Variants in XKR9 observed in about 807,000 individuals in gnomAD.
XKR9 encodes XK related 9, also known as XK-related protein 9.
A neutral mutation model predicts 32.0 loss-of-function variants in XKR9; 32 were observed. That is an observed-to-expected ratio of 1.00 (90% CI 0.76 to 1.34). The LOEUF (loss-of-function observed/expected upper bound fraction) is 1.34, where lower values mean the gene tolerates loss of function less well. XKR9 is among the 40% of genes most tolerant of loss of function. The pLI, the probability that XKR9 is intolerant of heterozygous loss-of-function variation, is 0.00. For synonymous variants in XKR9, 168 were observed against 143.4 expected, an observed-to-expected ratio of 1.17 and a Z score of -1.22; for missense variants, 546 against 429.7, an observed-to-expected ratio of 1.27 and a Z score of -2.39.
downstream of XKR9, among the ~76,000 whole-genome samples, chr8:70,794,569 T>A (rs564334291): frequency 1.3e-5 from 2 of 152,208 alleles, no homozygotes; most frequent in East Asian, 3.9e-4. Flanking sequence ...GTTGATGGAT[T>A]TTTTCAAATG....
the XKR9 span, among the ~76,000 whole-genome samples, chr8:70,927,881 C>T: frequency 6.6e-6 from 1 of 152,088 alleles, no homozygotes; most frequent in African/African-American, 2.4e-5. Flanking sequence ...CGAGTAGGTG[C>T]TAGATCTGGT....
the XKR9 span, among the ~76,000 whole-genome samples, chr8:70,928,069 G>A: frequency 2.0e-5 from 3 of 152,170 alleles, no homozygotes; most frequent in Non-Finnish European, 2.9e-5. Flanking sequence ...TAGAAACAGG[G>A]TCTTGCTCTG....
At chr8:70,870,138 AG>A in the XKR9 span, among the ~76,000 whole-genome samples, 1 of 152,312 alleles carries the variant, frequency 6.6e-6, no homozygotes, top group Non-Finnish European at 1.5e-5. Flanking sequence ...CTCTCTTGTA[AG>A]GTCTTAACTA....
intron 2 of XKR9, among the ~76,000 whole-genome samples, chr8:70,755,504 C>T (rs1408021916): frequency 6.6e-6 from 1 of 152,018 alleles, no homozygotes; most frequent in Non-Finnish European, 1.5e-5. Context: ...GACTTGGAAC[C>T]AACCCAAATG....
chr8:70,875,676 G>C, the XKR9 span, among the ~76,000 whole-genome samples: 1 of 152,056 alleles, frequency 6.6e-6, no homozygotes, highest in Non-Finnish European at 1.5e-5. Context: ...CTTTCAATGA[G>C]GATGCAAGAT....
the XKR9 span, among the ~76,000 whole-genome samples, chr8:70,868,704 A>T: frequency 6.6e-6 from 1 of 152,242 alleles, no homozygotes; most frequent in Admixed American, 6.5e-5. Context: ...TGTCTTGGGG[A>T]TTAACATTAG....
the XKR9 span, among the ~76,000 whole-genome samples, chr8:70,870,178 G>C: frequency 2.0e-5 from 3 of 151,934 alleles, no homozygotes; most frequent in African/African-American, 7.3e-5. Flanking sequence ...TATAAATAAG[G>C]GTCTTCTAGC....
At chr8:70,721,099 T>C (rs1186607337) in intron 4 of XKR9, among the ~76,000 whole-genome samples, 2 of 152,230 alleles carry the variant, frequency 1.3e-5, no homozygotes, top group Non-Finnish European at 2.9e-5. Context: ...GAGGTGTTTA[T>C]AGTATTCTCT....
At chr8:70,743,874 C>A (rs964511883) in intron 2 of XKR9, among the ~76,000 whole-genome samples, 1 of 151,938 alleles carries the variant, frequency 6.6e-6, no homozygotes, top group East Asian at 1.9e-4. Flanking sequence ...TTCCAGATGT[C>A]GACCTCTCTC....
chr8:70,744,100 C>G (rs554189230), intron 2 of XKR9, among the ~76,000 whole-genome samples: 64 of 152,040 alleles, frequency 4.2e-4, no homozygotes, highest in African/African-American at 1.5e-3. Context: ...TACCTGACGT[C>G]AGGAGTTCAA....
chr8:70,755,577 C>T (rs1414469602), intron 2 of XKR9, among the ~76,000 whole-genome samples: 26 of 151,888 alleles, frequency 1.7e-4, no homozygotes, highest in Non-Finnish European at 3.4e-4. Context: ...TACTATGCAG[C>T]CATAAAAAAT....
chr8:70,750,414 G>C (rs765102652), intron 2 of XKR9, among the ~76,000 whole-genome samples: 3 of 152,138 alleles, frequency 2.0e-5, no homozygotes, highest in Non-Finnish European at 4.4e-5. Flanking sequence ...TGCTTTGGAG[G>C]GCTGTCTGTG....
chr8:70,925,527 C>A, the XKR9 span, among the ~76,000 whole-genome samples: 1 of 152,082 alleles, frequency 6.6e-6, no homozygotes, highest in Non-Finnish European at 1.5e-5. Context: ...AAACATAACA[C>A]TTTTATGAAA....
At chr8:70,699,487 C>A (rs1328069659) in intron 3 of XKR9, among the ~76,000 whole-genome samples, 2 of 152,114 alleles carry the variant, frequency 1.3e-5, no homozygotes, top group Non-Finnish European at 2.9e-5. Flanking sequence ...AAATTCTTTT[C>A]TTTCAGAATG....
At chr8:70,980,422 G>C in the XKR9 span, among the ~76,000 whole-genome samples, 1 of 152,170 alleles carries the variant, frequency 6.6e-6, no homozygotes, top group African/African-American at 2.4e-5. Flanking sequence ...TTGCTTTAAA[G>C]TTTGTTTTGT....
At chr8:70,986,825 A>C in the XKR9 span, among the ~76,000 whole-genome samples, 1 of 152,228 alleles carries the variant, frequency 6.6e-6, no homozygotes, top group Non-Finnish European at 1.5e-5. Flanking sequence ...ACTGTTGATA[A>C]AGACATACCT....
chr8:70,741,248 G>A (rs1356049275), intron 2 of XKR9, among the ~76,000 whole-genome samples: 7 of 152,220 alleles, frequency 4.6e-5, no homozygotes, highest in Admixed American at 3.3e-4. Context: ...GGTTCTCCAT[G>A]ATGGGACTGG....
At chr8:70,740,445 T>C (rs1806950663), downstream of XKR9, among the ~76,000 whole-genome samples, 1 of 152,222 alleles carries the variant, frequency 6.6e-6, no homozygotes, top group South Asian at 2.1e-4. Context: ...AGTTTGATCA[T>C]CTGAAGCCTT....
At chr8:70,748,337 G>GCC (rs1169563041) in intron 2 of XKR9, among the ~76,000 whole-genome samples, 2 of 152,234 alleles carry the variant, frequency 1.3e-5, no homozygotes, top group Admixed American at 6.5e-5. Flanking sequence ...GGCCCAGGAA[G>GCC]CCCCCTTCCC....
Sources: gnomAD v4.1 joint callset for allele counts (sites outside exome capture counted in the v4.1 genomes callset) on GRCh38, gnomAD v4.1.1 for gene constraint, MANE v1.5 for transcripts, NCBI Gene and HGNC (gene_info 2026-07-23, HGNC 2026-07-21) for gene names.